TMEM132D: variants seen among roughly 807,000 people sequenced by gnomAD.
TMEM132D encodes the protein mature OL transmembrane protein.
A neutral mutation model predicts 62.3 loss-of-function variants in TMEM132D; 21 were observed. The ratio of observed to expected loss-of-function variants is 0.34; its 90% confidence interval spans 0.24 to 0.49. The LOEUF is 0.49. Among genes scored for constraint, TMEM132D ranks in the 20% least tolerant of loss-of-function variants. TMEM132D has a pLI of 0.99. For synonymous variants in TMEM132D, 621 were observed against 575.6 expected, an observed-to-expected ratio of 1.08 and a Z score of -1.13; for missense variants, 1,346 against 1,402.8, an observed-to-expected ratio of 0.96 and a Z score of 0.65.
chr12:129,798,133 G>A (rs948174455), intron 1 of TMEM132D, among the ~76,000 whole-genome samples: 1 of 152,128 alleles, frequency 6.6e-6, no homozygotes, highest in Admixed American at 6.6e-5. Context: ...CATGACTGTA[G>A]CTCCCTAGAC....
intron 4 of TMEM132D, among the ~76,000 whole-genome samples, chr12:129,259,116 G>A (rs74893752): frequency 0.025 from 3,825 of 152,190 alleles, 160 homozygotes; most frequent in African/African-American, 0.087. Context: ...CCTTTCAGCC[G>A]CCCTCAGTAA....
At chr12:129,735,515 T>C (rs1164696597) in intron 1 of TMEM132D, among the ~76,000 whole-genome samples, 1 of 152,226 alleles carries the variant, frequency 6.6e-6, no homozygotes, top group East Asian at 1.9e-4. Context: ...TACAGGACCC[T>C]ATATACTTAC....
chr12:129,424,401 C>T (rs1872427086), intron 3 of TMEM132D, among the ~76,000 whole-genome samples: 2 of 152,090 alleles, frequency 1.3e-5, no homozygotes, highest in Admixed American at 6.6e-5. Context: ...AGGCATTTTC[C>T]ACCCATTGGA....
At chr12:129,329,708 G>A (rs148970773) in intron 4 of TMEM132D, among the ~76,000 whole-genome samples, 9 of 152,184 alleles carry the variant, frequency 5.9e-5, no homozygotes, top group African/African-American at 1.2e-4. Context: ...TCTCTTACAC[G>A]CCTTTACTGA....
chr12:129,409,288 C>T (rs763435644), intron 3 of TMEM132D, among the ~76,000 whole-genome samples: 1 of 152,106 alleles, frequency 6.6e-6, no homozygotes, highest in South Asian at 2.1e-4. Context: ...TGTATTCCAG[C>T]CTACTCAGGT....
chr12:129,362,643 T>C (rs1870285563), intron 3 of TMEM132D, among the ~76,000 whole-genome samples: 1 of 152,126 alleles, frequency 6.6e-6, no homozygotes, highest in Non-Finnish European at 1.5e-5. Context: ...ACAGACACAT[T>C]AGCATTCTTG....
At chr12:129,449,239 A>G (rs1873196197) in intron 3 of TMEM132D, among the ~76,000 whole-genome samples, 1 of 152,152 alleles carries the variant, frequency 6.6e-6, no homozygotes, top group Admixed American at 6.5e-5. Flanking sequence ...AAGCACTTGG[A>G]CCCTTACCTA....
At chr12:129,618,428 T>A (rs1220104575) in intron 2 of TMEM132D, among the ~76,000 whole-genome samples, 3 of 152,222 alleles carry the variant, frequency 2.0e-5, no homozygotes, top group Admixed American at 2.0e-4. Context: ...TTAACAGACA[T>A]TGCTTTTGCA....
chr12:129,661,065 A>G (rs1405140462), intron 2 of TMEM132D, among the ~76,000 whole-genome samples: 1 of 152,230 alleles, frequency 6.6e-6, no homozygotes, highest in Non-Finnish European at 1.5e-5. Context: ...AAACAGGGGA[A>G]GCATCTAAAA....
rs1439004904 is a variant in TMEM132D at position 129,513,960 on chromosome 12, C to A, written c.1115+17099G>T. 3.3e-5 allele frequency among the ~76,000 whole-genome samples: 5 copies of A among 151,628 alleles called. No homozygotes were observed. In the East Asian group the frequency reaches 9.8e-4, roughly 30 times the overall value. On this transcript the variant is annotated intron_variant, in intron 3 of 8. Coordinates refer to ENST00000422113, the MANE Select transcript of TMEM132D (RefSeq NM_133448.3). Reference sequence around the variant, plus strand: ...TTGTGCCATTCTCCTGCCTCAGCCTCCCGAGTAGCTGGGACTACAGGCGCC... The same window carrying A: ...TTGTGCCATTCTCCTGCCTCAGCCTACCGAGTAGCTGGGACTACAGGCGCC...
chr12:129,863,232 T>C (rs1873951678), intron 1 of TMEM132D, among the ~76,000 whole-genome samples: 1 of 152,164 alleles, frequency 6.6e-6, no homozygotes, highest in Non-Finnish European at 1.5e-5. Context: ...AGGCATGGAT[T>C]TGTGGACAGT....
intron 5 of TMEM132D, chr12:129,110,660 G>C (rs934226582): frequency 1.1e-4 from 16 of 152,378 alleles, no homozygotes; most frequent in African/African-American, 3.6e-4. Context: ...GGAGCTGCCA[G>C]GGGAAGGACC....
intron 3 of TMEM132D, among the ~76,000 whole-genome samples, chr12:129,397,526 C>G (rs1045323474): frequency 2.6e-5 from 4 of 152,022 alleles, no homozygotes; most frequent in African/African-American, 7.2e-5. Flanking sequence ...TCTTTTGGGT[C>G]CAGATGATTG....
At chr12:129,156,182 A>T (rs1319441355) in intron 5 of TMEM132D, among the ~76,000 whole-genome samples, 2 of 150,588 alleles carry the variant, frequency 1.3e-5, no homozygotes, top group Admixed American at 1.3e-4. Flanking sequence ...TATTCCCAAG[A>T]TAACCAACCC....
At chr12:129,750,294 C>T (rs1869958041) in intron 1 of TMEM132D, among the ~76,000 whole-genome samples, 1 of 152,076 alleles carries the variant, frequency 6.6e-6, no homozygotes, top group Non-Finnish European at 1.5e-5. Context: ...CTGTGTTAGC[C>T]AGGATGGTCT....
intron 1 of TMEM132D, among the ~76,000 whole-genome samples, chr12:129,787,144 AT>A (rs1399458504): frequency 6.7e-6 from 1 of 149,304 alleles, no homozygotes; most frequent in Non-Finnish European, 1.5e-5. Context: ...TATAATTTCT[AT>A]CCCCCTGCCA....
At chr12:129,356,646 T>G (rs1870059452) in intron 3 of TMEM132D, among the ~76,000 whole-genome samples, 1 of 119,892 alleles carries the variant, frequency 8.3e-6, no homozygotes, top group Non-Finnish European at 1.8e-5. Flanking sequence ...GGTGAAACCC[T>G]GTCTCTACAA....
At chr12:129,377,419 GT>G (rs1056497946) in intron 3 of TMEM132D, among the ~76,000 whole-genome samples, 3 of 152,218 alleles carry the variant, frequency 2.0e-5, no homozygotes, top group African/African-American at 7.2e-5. Context: ...TCAAGATGGG[GT>G]GTGAGTCAAG....
At chr12:129,628,771 C>T (rs1593096289) in intron 2 of TMEM132D, among the ~76,000 whole-genome samples, 1 of 152,034 alleles carries the variant, frequency 6.6e-6, no homozygotes, top group East Asian at 1.9e-4. Flanking sequence ...CTTCCCATGA[C>T]CATCTTCCTA....
Sources: allele counts gnomAD v4.1 joint callset (sites outside exome capture counted in the v4.1 genomes callset), GRCh38; gene constraint gnomAD v4.1.1; transcripts MANE v1.5; gene names NCBI Gene and HGNC (gene_info 2026-07-23, HGNC 2026-07-21).